The following TMEM217 variants were observed in gnomAD, a reference collection of about 807,000 sequenced individuals.
TMEM217 encodes the protein transmembrane protein 217, also known as chromosome 6 open reading frame 128.
For missense variants in TMEM217, 204 were observed against 248.8 expected (o/e 0.82, Z 1.21); for synonymous variants, 76 against 88.3 (o/e 0.86, Z 0.78).
At chr6:37,215,123 C>T, downstream of TMEM217, 3 of 1,588,512 alleles carry the variant, frequency 1.9e-6, no homozygotes, top group Non-Finnish European at 2.6e-6. Context: ...TCTTGGGTCA[C>T]TATAATAATG....
intron 1 of TMEM217, among the ~76,000 whole-genome samples, chr6:37,225,011 A>T (rs1245391974): frequency 1.4e-5 from 2 of 146,546 alleles, no homozygotes; most frequent in African/African-American, 5.0e-5. Context: ...CATCTCTATA[A>T]AAAAAAAAAA....
At chr6:37,242,532 T>C (rs1764820340) in intron 1 of TMEM217, among the ~76,000 whole-genome samples, 1 of 152,202 alleles carries the variant, frequency 6.6e-6, no homozygotes, top group Non-Finnish European at 1.5e-5. Flanking sequence ...AAGCCTGTCA[T>C]GCTTTGGTGG....
chr6:37,249,477 G>A (rs1243924055), intron 1 of TMEM217, among the ~76,000 whole-genome samples: 1 of 151,992 alleles, frequency 6.6e-6, no homozygotes, highest in Non-Finnish European at 1.5e-5. Flanking sequence ...GTGCCACCAT[G>A]CCCAGATAAT....
intron 1 of TMEM217, among the ~76,000 whole-genome samples, chr6:37,253,246 T>C (rs1331245752): frequency 6.6e-6 from 1 of 152,250 alleles, no homozygotes; most frequent in Non-Finnish European, 1.5e-5. Context: ...CTTCTTCTCA[T>C]GTTTAAATCT....
chr6:37,239,763 C>T (rs970384274), intron 1 of TMEM217, among the ~76,000 whole-genome samples: 4 of 151,552 alleles, frequency 2.6e-5, no homozygotes, highest in South Asian at 2.1e-4. Flanking sequence ...ACAATGACAA[C>T]GAACACATTA....
At position 37,257,583 on chromosome 6, in the gene TMEM217, C is replaced by A. The variant is rs1163442882; in HGVS notation, c.-27G>T. On this transcript the variant is annotated 5_prime_UTR_variant, in exon 1 of 2. Coordinates refer to ENST00000357219, the Ensembl canonical transcript of TMEM217. ...CTTACCTTACCTGCTTCTTCCCTCT[C>A]GCGGGTAGGAACTTTGAGCCCCGCC... The A allele has an allele frequency of 1.3e-5, 5 of 377,774 alleles. No homozygotes were observed. The South Asian group carries it at 1.4e-4, about 11-fold the overall frequency. 23.4% of individuals were successfully genotyped at this position (377,774 alleles called of 1,614,324 possible). A position where few individuals can be genotyped will look rare whatever the true frequency, so the allele number is the denominator to read the frequency against.
chr6:37,247,174 T>C (rs60947036), intron 1 of TMEM217, among the ~76,000 whole-genome samples: 9,997 of 152,196 alleles, frequency 0.066, 1,064 homozygotes, highest in African/African-American at 0.22. Flanking sequence ...CCTGCTGCAG[T>C]ATCTTTTGTC....
chr6:37,212,552 T>C (rs1446518632), exon 4 of TMEM217: 1 of 461,044 alleles, frequency 2.2e-6, no homozygotes, highest in Admixed American at 2.3e-5. Flanking sequence ...TGCTTGACGA[T>C]GAAGGGCAGA....
downstream of TMEM217, among the ~76,000 whole-genome samples, chr6:37,214,141 C>T (rs1763059890): frequency 6.6e-6 from 1 of 152,202 alleles, no homozygotes; most frequent in Non-Finnish European, 1.5e-5. Flanking sequence ...ACCACTTTAG[C>T]CCTTTTTGAA....
At chr6:37,232,608 G>A (rs986322009) in intron 1 of TMEM217, among the ~76,000 whole-genome samples, 3 of 152,124 alleles carry the variant, frequency 2.0e-5, no homozygotes, top group Admixed American at 6.5e-5. Flanking sequence ...TTCCTCTCCC[G>A]TTCTCTGCAA....
intron 1 of TMEM217, among the ~76,000 whole-genome samples, chr6:37,232,694 A>T (rs1764271877): frequency 6.6e-6 from 1 of 152,236 alleles, no homozygotes; most frequent in Non-Finnish European, 1.5e-5. Flanking sequence ...TGTTACAAAG[A>T]GGAAGTATCT....
intron 1 of TMEM217, among the ~76,000 whole-genome samples, chr6:37,249,587 T>C (rs997405726): frequency 9.2e-5 from 14 of 152,146 alleles, no homozygotes; most frequent in African/African-American, 3.4e-4. Flanking sequence ...TCCCAAAGTG[T>C]TGGGATTACA....
rs59057594 is a variant in TMEM217 at position 37,252,617 on chromosome 6, G to GTA, written c.-12+4949_-12+4950dup. Among the ~76,000 whole-genome samples, 107 of 112,292 alleles carry GTA rather than the reference G, an allele frequency of 9.5e-4. 2 individuals are homozygous for GTA. Among genetic ancestry groups the GTA allele is most frequent in the East Asian group, 3.4e-3 (13 of 3,784 alleles). 73.7% of individuals were successfully genotyped at this position (112,292 alleles called of 152,430 possible). ...TGTGTGTGTGTGTGTGTATGTGTGT[G>GTA]TATATATATATATATATATATTTTT... On this transcript the variant is annotated intron_variant, in intron 1 of 1. Coordinates refer to ENST00000357219, the Ensembl canonical transcript of TMEM217.
intron 1 of TMEM217, among the ~76,000 whole-genome samples, chr6:37,224,320 T>G (rs1195489532): frequency 6.7e-6 from 1 of 149,676 alleles, no homozygotes. Flanking sequence ...TTTTTTTAGC[T>G]GGGTGCAGTG....
chr6:37,247,750 A>G (rs1047432378), intron 1 of TMEM217, among the ~76,000 whole-genome samples: 1 of 152,158 alleles, frequency 6.6e-6, no homozygotes, highest in Non-Finnish European at 1.5e-5. Flanking sequence ...TCTGAGAAAC[A>G]CACACCTCAG....
Position 37,221,226 on chromosome 6 carries a change from G to A in TMEM217, c.-11-2185C>T, listed in dbSNP as rs976744270. On this transcript the variant is annotated intron_variant, in intron 1 of 1. Coordinates refer to ENST00000357219, the Ensembl canonical transcript of TMEM217. ...TTTTGAGACGGAGTCTCGCTCTGTC[G>A]CCCAGGCTGGAATGCAGTGGTGCAA... Among the ~76,000 whole-genome samples, 31 of 149,442 alleles carry A rather than the reference G, an allele frequency of 2.1e-4. No homozygotes were observed. In the South Asian group the frequency reaches 2.1e-3, roughly 10 times the overall value.
At chr6:37,246,067 GC>G (rs1260298026) in intron 1 of TMEM217, among the ~76,000 whole-genome samples, 30 of 152,296 alleles carry the variant, frequency 2.0e-4, no homozygotes, top group African/African-American at 6.3e-4. Flanking sequence ...CTCCCAAAGT[GC>G]TGGGATTACA....
intron 1 of TMEM217, among the ~76,000 whole-genome samples, chr6:37,219,750 C>T (rs889896911): frequency 6.2e-4 from 95 of 152,116 alleles, no homozygotes; most frequent in African/African-American, 2.1e-3. Context: ...AAAAATTATG[C>T]TGTTAACTCT....
At chr6:37,256,789 C>T (rs947974903) in intron 1 of TMEM217, among the ~76,000 whole-genome samples, 1 of 152,076 alleles carries the variant, frequency 6.6e-6, no homozygotes, top group African/African-American at 2.4e-5. Context: ...AACAGTCCTT[C>T]GAAGGGACAA....
Sources: allele counts gnomAD v4.1 joint callset (sites outside exome capture counted in the v4.1 genomes callset), GRCh38; gene constraint gnomAD v4.1.1; transcripts MANE v1.5; gene names NCBI Gene and HGNC (gene_info 2026-07-23, HGNC 2026-07-21).